Variants in TLE2 observed in about 807,000 individuals in gnomAD.
TLE2 encodes the protein TLE family member 2, transcriptional corepressor, also known as transducin-like enhancer protein 2.
A neutral mutation model predicts 97.2 loss-of-function variants in TLE2; 74 were observed. The observed-to-expected ratio is 0.76, with a 90% CI of 0.63 to 0.92. The LOEUF is 0.92. TLE2 is among the 40% of genes least tolerant of loss of function. TLE2 has a pLI of 0.00. For synonymous variants in TLE2, 499 were observed against 432.1 expected (o/e 1.15, Z -1.92); for missense variants, 1,038 against 1,008.7 (o/e 1.03, Z -0.39).
intron 5 of TLE2, among the ~76,000 whole-genome samples, chr19:3,023,466 A>T (rs180720347): frequency 6.6e-6 from 1 of 152,172 alleles, no homozygotes; most frequent in African/African-American, 2.4e-5. Flanking sequence ...TCTCAGACTC[A>T]GTGGAATCTG....
upstream of TLE2, among the ~76,000 whole-genome samples, chr19:3,031,834 T>C (rs1255946763): frequency 4.0e-5 from 6 of 151,654 alleles, no homozygotes; most frequent in Non-Finnish European, 7.4e-5. Flanking sequence ...AGCCACCCAT[T>C]TCAACAGCTT....
chr19:3,010,209 C>T (rs1311906706), intron 12 of TLE2, among the ~76,000 whole-genome samples: 1 of 151,774 alleles, frequency 6.6e-6, no homozygotes, highest in Non-Finnish European at 1.5e-5. Context: ...ACTAAAAATA[C>T]AAAAATTAGC....
intron 11 of TLE2, among the ~76,000 whole-genome samples, chr19:3,012,145 C>T (rs553586462): frequency 7.3e-5 from 11 of 151,112 alleles, no homozygotes; most frequent in African/African-American, 2.7e-4. Context: ...ACCCACTACC[C>T]GGGAGGCTGA....
intron 4 of TLE2, chr19:3,025,305 G>C (rs752832364): frequency 1.4e-5 from 18 of 1,267,306 alleles, no homozygotes; most frequent in Non-Finnish European, 1.7e-5. Flanking sequence ...GCCTGGAGCT[G>C]GGAAGACCAG....
At chr19:3,036,023 C>A (rs1358099273) in intron 1 of TLE2, among the ~76,000 whole-genome samples, 2 of 152,240 alleles carry the variant, frequency 1.3e-5, no homozygotes, top group Non-Finnish European at 2.9e-5. Context: ...TTGCATCTTT[C>A]TCCCTATTTC....
rs1331260395 is a variant in TLE2 at position 3,029,070 on chromosome 19, A to C, written c.-166T>G. On this transcript the variant is annotated 5_prime_UTR_variant, in exon 1 of 20. Coordinates refer to ENST00000262953, the MANE Select transcript of TLE2 (RefSeq NM_003260.5). The stretch of plus-strand genomic sequence containing the variant: ...CCCTGGAGTCCCTGGCGCGCCCCCA[A>C]GCGCGCGCGCCCGGGGTCGTGGGAG... 4 of 1,297,132 alleles carry C rather than the reference A, an allele frequency of 3.1e-6. No homozygotes were observed. The highest frequency in any genetic ancestry group is 1.6e-5 in the African/African-American group (1 of 64,140). The allele number at this position is 1,297,132 out of a possible 1,614,324, so 80.4% of individuals were successfully genotyped here.
At chr19:3,016,861 C>G (rs1433586027) in intron 8 of TLE2, among the ~76,000 whole-genome samples, 1 of 151,924 alleles carries the variant, frequency 6.6e-6, no homozygotes, top group Non-Finnish European at 1.5e-5. Flanking sequence ...TCACTGCAAC[C>G]TCCGCCTCCC....
intron 11 of TLE2, among the ~76,000 whole-genome samples, chr19:3,013,187 A>G (rs1223997444): frequency 1.3e-5 from 2 of 152,050 alleles, no homozygotes; most frequent in Admixed American, 6.6e-5. Context: ...GTGCTTTTAG[A>G]TGGCTCACAT....
intron 11 of TLE2, among the ~76,000 whole-genome samples, chr19:3,013,397 AAGAG>A (rs2089636917): frequency 6.6e-6 from 1 of 151,986 alleles, no homozygotes; most frequent in African/African-American, 2.4e-5. Context: ...TATTGATTGC[AAGAG>A]AGAGACCTGC....
chr19:3,029,114 T>TGG lies in TLE2; in HGVS notation c.-211_-210insCC, dbSNP rs2089995913. ...GTGGGAGCCCCTCCCCGGGTTGGGG[T>TGG]GCGCGGGGCGAGCGGGGCGGGCAGG... On this transcript the variant is annotated 5_prime_UTR_variant, in exon 1 of 20. Transcript: ENST00000262953. The TGG allele has an allele frequency of 6.9e-6, 8 of 1,157,738 alleles. No individual in the cohort carries two copies. Among genetic ancestry groups the TGG allele is most frequent in the Non-Finnish European group, 8.5e-6 (8 of 942,044 alleles). The allele number at this position is 1,157,738 out of a possible 1,614,324, so 71.7% of individuals were successfully genotyped here.
rs529429622 is a variant in TLE2, at chr19:3,026,340, C to T, written c.232-1258G>A. On this transcript the variant is annotated intron_variant, in intron 4 of 19. Coordinates refer to ENST00000262953, the MANE Select transcript of TLE2 (RefSeq NM_003260.5). Reference sequence around the variant, plus strand: ...GCAGGCGCCTGTAATCCCAGCTCCTCGGGAGGCTGAGGCAGGAGAGGCGCT... The same window carrying T: ...GCAGGCGCCTGTAATCCCAGCTCCTTGGGAGGCTGAGGCAGGAGAGGCGCT... 1.3e-3 allele frequency among the ~76,000 whole-genome samples: 196 copies of T among 151,474 alleles called. 1 individual carries two copies. Among genetic ancestry groups the T allele is most frequent in the Non-Finnish European group, 2.4e-3 (163 of 67,924 alleles).
At chr19:3,017,999 A>C in intron 7 of TLE2, 140 bp from the exon 8 acceptor site, 2 of 666,994 alleles carry the variant, frequency 3.0e-6, no homozygotes, top group Non-Finnish European at 5.1e-6. Context: ...TACCCTTCCA[A>C]CACCCTTGCA....
intron 14 of TLE2, among the ~76,000 whole-genome samples, chr19:3,008,455 CTT>C (rs34168841): frequency 4.2e-5 from 6 of 143,440 alleles, no homozygotes; most frequent in Non-Finnish European, 1.5e-5. Context: ...TTTCTTTTTT[CTT>C]TTTTTTTTTT....
upstream of TLE2, among the ~76,000 whole-genome samples, chr19:3,031,753 G>A (rs2090026715): frequency 2.6e-5 from 4 of 152,160 alleles, no homozygotes; most frequent in South Asian, 8.3e-4. Context: ...CCTGTACCTG[G>A]AATGCTTTTC....
At chr19:3,028,571 G>A (rs2089985683) in intron 2 of TLE2, 135 bp downstream of exon 2, 1 of 1,110,918 alleles carries the variant, frequency 9.0e-7, no homozygotes, top group Admixed American at 2.1e-5. Flanking sequence ...CTCTGCACCT[G>A]CGCTTCCACC....
At chr19:3,035,030 C>G (rs1001819471) in intron 1 of TLE2, among the ~76,000 whole-genome samples, 1 of 152,202 alleles carries the variant, frequency 6.6e-6, no homozygotes, top group Non-Finnish European at 1.5e-5. Flanking sequence ...CTAACAGGCA[C>G]ACTGCACCGG....
intron 5 of TLE2, among the ~76,000 whole-genome samples, chr19:3,021,046 A>C (rs2145185821): frequency 7.7e-6 from 1 of 130,540 alleles, no homozygotes; most frequent in Admixed American, 8.9e-5. Context: ...CCAAGATTGC[A>C]CCACTGCACT....
intron 18 of TLE2, among the ~76,000 whole-genome samples, chr19:3,001,467 G>T (rs773791589): frequency 2.2e-4 from 34 of 151,880 alleles, no homozygotes; most frequent in Non-Finnish European, 4.1e-4. Context: ...TACTATTTAG[G>T]ATATACTTAC....
At chr19:3,004,027 T>C (rs2089423278) in intron 17 of TLE2, among the ~76,000 whole-genome samples, 1 of 152,062 alleles carries the variant, frequency 6.6e-6, no homozygotes, top group Non-Finnish European at 1.5e-5. Context: ...TTTTAAAAGA[T>C]TCAGGGTCCT....
Sources: allele counts gnomAD v4.1 joint callset (sites outside exome capture counted in the v4.1 genomes callset), GRCh38; gene constraint gnomAD v4.1.1; transcripts MANE v1.5; gene names NCBI Gene and HGNC (gene_info 2026-07-23, HGNC 2026-07-21).